The following JARID2 variants were observed in gnomAD, a reference collection of about 807,000 sequenced individuals.
JARID2 encodes protein Jumonji.
In JARID2, 21 loss-of-function variants were observed where a neutral mutation model predicts 125.6. The ratio of observed to expected loss-of-function variants is 0.17; its 90% confidence interval spans 0.12 to 0.24. The LOEUF (loss-of-function observed/expected upper bound fraction) is 0.24, where lower values mean the gene tolerates loss of function less well. Among genes scored for constraint, JARID2 ranks in the 10% least tolerant of loss-of-function variants. JARID2 has a pLI of 1.00. For synonymous variants in JARID2, 736 were observed against 661.6 expected, an observed-to-expected ratio of 1.11 and a Z score of -1.73; for missense variants, 1,303 against 1,639.6, an observed-to-expected ratio of 0.79 and a Z score of 3.55.
At chr6:15,505,719 G>A (rs548988741) in intron 9 of JARID2, among the ~76,000 whole-genome samples, 32 of 152,376 alleles carry the variant, frequency 2.1e-4, no homozygotes, top group Admixed American at 1.6e-3. Context: ...TGAATGCCAC[G>A]CAGTGGCCTG....
In JARID2 at chr6:15,352,545, T is replaced by C. The variant is rs561016257; in HGVS notation, c.46-21572T>C. On this transcript the variant is annotated intron_variant, in intron 1 of 17. Transcript: ENST00000341776. Reference sequence around the variant, plus strand: ...TCTAAGTCAGGGATACAAATGAAGCTCTGCATCTTGGGGTTTCCTTGCAGA... The same window carrying C: ...TCTAAGTCAGGGATACAAATGAAGCCCTGCATCTTGGGGTTTCCTTGCAGA... Among the ~76,000 whole-genome samples, 4 of 152,298 alleles carry C rather than the reference T, an allele frequency of 2.6e-5. 1 individual carries two copies. In the East Asian group the frequency reaches 7.7e-4, roughly 29 times the overall value.
At chr6:15,408,364 T>C (rs1027421927) in intron 2 of JARID2, among the ~76,000 whole-genome samples, 1 of 152,188 alleles carries the variant, frequency 6.6e-6, no homozygotes, top group Non-Finnish European at 1.5e-5. Flanking sequence ...ATTTTTATTT[T>C]CAGTTTTCTC....
At chr6:15,293,639 G>A (rs1761305561) in intron 1 of JARID2, among the ~76,000 whole-genome samples, 1 of 152,236 alleles carries the variant, frequency 6.6e-6, no homozygotes, top group Admixed American at 6.5e-5. Context: ...CATACAGGCA[G>A]ACTTGACCTC....
intron 1 of JARID2, among the ~76,000 whole-genome samples, chr6:15,317,006 GTACTTTTGGTCTAGAATGAA>G (rs778436571): frequency 5.4e-4 from 83 of 152,302 alleles, no homozygotes; most frequent in Non-Finnish European, 7.4e-4. Context: ...TTCAATGAGT[GTACTTTTGGTCTAGAATGAA>G]TCTTTTGTAG....
intron 4 of JARID2, among the ~76,000 whole-genome samples, chr6:15,467,525 G>C (rs1029865988): frequency 6.9e-6 from 1 of 144,142 alleles, no homozygotes; most frequent in Non-Finnish European, 1.5e-5. Flanking sequence ...ACTATATTGT[G>C]CTTTTTTTTT....
intron 6 of JARID2, among the ~76,000 whole-genome samples, chr6:15,493,112 C>G (rs956892562): frequency 6.6e-6 from 1 of 151,880 alleles, no homozygotes; most frequent in Non-Finnish European, 1.5e-5. Context: ...CAGGTGCCCC[C>G]GAGAAGCCAG....
chr6:15,455,321 G>C (rs1167507538), intron 4 of JARID2, among the ~76,000 whole-genome samples: 1 of 151,204 alleles, frequency 6.6e-6, no homozygotes, highest in African/African-American at 2.4e-5. Flanking sequence ...TGATGATTTT[G>C]TGATACATGT....
intron 2 of JARID2, among the ~76,000 whole-genome samples, chr6:15,389,506 C>T (rs1308473359): frequency 1.3e-5 from 2 of 152,208 alleles, no homozygotes; most frequent in African/African-American, 4.8e-5. Context: ...AAGAATGCAT[C>T]TAGAGTGATC....
At chr6:15,512,032 G>A (rs981610262) in intron 13 of JARID2, among the ~76,000 whole-genome samples, 176 bp from the exon 14 acceptor site, 2 of 152,212 alleles carry the variant, frequency 1.3e-5, no homozygotes, top group African/African-American at 2.4e-5. Context: ...ATCACTCTTG[G>A]ACCAGTGCAG....
intron 1 of JARID2, among the ~76,000 whole-genome samples, chr6:15,258,195 G>T (rs1472376417): frequency 6.6e-6 from 1 of 152,154 alleles, no homozygotes; most frequent in African/African-American, 2.4e-5. Flanking sequence ...TTTTTTGGTT[G>T]CTTACCATGT....
chr6:15,331,855 T>G (rs192034433), intron 1 of JARID2, among the ~76,000 whole-genome samples: 2 of 152,326 alleles, frequency 1.3e-5, no homozygotes, highest in Admixed American at 1.3e-4. Flanking sequence ...TTCTGCAGTT[T>G]CGCTTTCTGT....
In JARID2 at chr6:15,436,523, A is replaced by G. The variant is rs12665041; in HGVS notation, c.324-15483A>G. ...GCCCAGGATGGGGGCGTGGCAGATC[A>G]GGGTGGTCTTGGAAAATGCAACATT... On this transcript the variant is annotated intron_variant, in intron 3 of 17. Coordinates refer to ENST00000341776, the MANE Select transcript of JARID2 (RefSeq NM_004973.4). 2.0e-4 allele frequency among the ~76,000 whole-genome samples: 30 copies of G among 152,244 alleles called. 1 individual carries two copies. In the East Asian group the frequency reaches 5.8e-3, roughly 30 times the overall value.
chr6:15,474,538 AT>A, intron 5 of JARID2, among the ~76,000 whole-genome samples: 1 of 149,160 alleles, frequency 6.7e-6, no homozygotes, highest in African/African-American at 2.5e-5. Context: ...CTGATTCTTA[AT>A]TTCTACTTCT....
chr6:15,254,602 T>C (rs975403008), intron 1 of JARID2, among the ~76,000 whole-genome samples: 1 of 152,210 alleles, frequency 6.6e-6, no homozygotes, highest in Admixed American at 6.5e-5. Flanking sequence ...GAGCTGGTGC[T>C]GCCTAAAAGG....
chr6:15,490,515 C>T (rs1422475364), intron 6 of JARID2, among the ~76,000 whole-genome samples: 1 of 152,210 alleles, frequency 6.6e-6, no homozygotes, highest in East Asian at 1.9e-4. Flanking sequence ...GCGTACTTCA[C>T]CTAAGCCTTT....
At chr6:15,403,792 C>A (rs1399008503) in intron 2 of JARID2, among the ~76,000 whole-genome samples, 1 of 152,112 alleles carries the variant, frequency 6.6e-6, no homozygotes, top group Non-Finnish European at 1.5e-5. Flanking sequence ...ATTTACAAAT[C>A]AGTATTTACA....
chr6:15,451,846 T>A (rs1263689809), intron 3 of JARID2, among the ~76,000 whole-genome samples, 160 bp from the exon 4 acceptor site: 2 of 152,148 alleles, frequency 1.3e-5, no homozygotes, highest in Non-Finnish European at 2.9e-5. Flanking sequence ...AGTAGGCCTG[T>A]GGTTTATGAG....
chr6:15,252,720 A>G (rs1416583440), intron 1 of JARID2, among the ~76,000 whole-genome samples: 1 of 152,042 alleles, frequency 6.6e-6, no homozygotes, highest in Non-Finnish European at 1.5e-5. Context: ...AATGAAACCA[A>G]ATGAATCTGT....
intron 5 of JARID2, among the ~76,000 whole-genome samples, chr6:15,471,583 T>C (rs1332428802): frequency 6.6e-6 from 1 of 152,232 alleles, no homozygotes; most frequent in African/African-American, 2.4e-5. Context: ...GTTGAGTTAA[T>C]CCCATGTATA....
Sources: gnomAD v4.1 joint callset for allele counts (sites outside exome capture counted in the v4.1 genomes callset) on GRCh38, gnomAD v4.1.1 for gene constraint, MANE v1.5 for transcripts, NCBI Gene and HGNC (gene_info 2026-07-23, HGNC 2026-07-21) for gene names.